TRPM3: variants seen among roughly 807,000 people sequenced by gnomAD.
The protein encoded by TRPM3 is long transient receptor potential channel 3.
A neutral mutation model predicts 181.2 loss-of-function variants in TRPM3; 77 were observed. The ratio of observed to expected loss-of-function variants is 0.42; its 90% CI spans 0.35 to 0.51. TRPM3 has a LOEUF of 0.51. Ranked by LOEUF, TRPM3 falls within the 20% of genes least tolerant of loss-of-function variation. The pLI, the probability that TRPM3 is intolerant of heterozygous loss-of-function variation, is 0.01. For missense variants in TRPM3, 1,759 were observed against 2,196.7 expected (o/e 0.80, Z 3.98); for synonymous variants, 745 against 796.4 (o/e 0.94, Z 1.09).
chr9:70,898,277 T>C (rs1053112271), intron 1 of TRPM3, among the ~76,000 whole-genome samples: 23 of 151,074 alleles, frequency 1.5e-4, no homozygotes, highest in African/African-American at 4.6e-4. Flanking sequence ...CGCCCGCCAC[T>C]ACGCCCGGCT....
chr9:70,561,160 T>A, intron 22 of TRPM3, among the ~76,000 whole-genome samples: 1 of 152,210 alleles, frequency 6.6e-6, no homozygotes, highest in East Asian at 1.9e-4. Context: ...TCCTATTTTT[T>A]TTATAGAAAG....
At chr9:70,801,891 A>G (rs1333121875) in intron 6 of TRPM3, among the ~76,000 whole-genome samples, 1 of 152,210 alleles carries the variant, frequency 6.6e-6, no homozygotes, top group Non-Finnish European at 1.5e-5. Flanking sequence ...CGTTCACTGA[A>G]AACTATCCCA....
chr9:70,887,782 C>T (rs2096116835), intron 1 of TRPM3, among the ~76,000 whole-genome samples: 1 of 152,074 alleles, frequency 6.6e-6, no homozygotes, highest in Non-Finnish European at 1.5e-5. Flanking sequence ...GCCCCTTTAC[C>T]TCTATGTACA....
At chr9:71,237,044 C>CA (rs33929941) in intron 1 of TRPM3, among the ~76,000 whole-genome samples, 24,837 of 92,506 alleles carry the variant, frequency 0.27, 3,937 homozygotes, top group African/African-American at 0.42. Flanking sequence ...AAGACTCCAT[C>CA]AAAAAAAAAA....
chr9:70,994,979 C>G (rs1170904481), intron 1 of TRPM3, among the ~76,000 whole-genome samples: 1 of 152,174 alleles, frequency 6.6e-6, no homozygotes, highest in African/African-American at 2.4e-5. Context: ...ACAGATGATT[C>G]ATTGGATCCA....
intron 17 of TRPM3, among the ~76,000 whole-genome samples, chr9:70,617,500 A>T (rs954712198): frequency 6.6e-6 from 1 of 152,208 alleles, no homozygotes; most frequent in African/African-American, 2.4e-5. Flanking sequence ...TACCATACAG[A>T]TGTAATGTAC....
intron 1 of TRPM3, among the ~76,000 whole-genome samples, chr9:70,907,864 G>A (rs78693582): frequency 0.017 from 2,651 of 152,206 alleles, 44 homozygotes; most frequent in South Asian, 0.026. Context: ...CTGCATCTAC[G>A]CTGCTGCAAA....
At chr9:70,554,301 G>A (rs1362633331) in intron 22 of TRPM3, among the ~76,000 whole-genome samples, 1 of 152,168 alleles carries the variant, frequency 6.6e-6, no homozygotes, top group Non-Finnish European at 1.5e-5. Flanking sequence ...CCCCTATAAT[G>A]GCTTTAGAAC....
At chr9:71,436,174 T>C (rs1363018084) in intron 1 of TRPM3, among the ~76,000 whole-genome samples, 1 of 152,194 alleles carries the variant, frequency 6.6e-6, no homozygotes, top group Non-Finnish European at 1.5e-5. Context: ...TTTCTCTTGC[T>C]GTCACCATGT....
At chr9:71,126,218 G>A (rs2074022371), upstream of TRPM3, among the ~76,000 whole-genome samples, 2 of 152,094 alleles carry the variant, frequency 1.3e-5, no homozygotes, top group South Asian at 4.1e-4. Flanking sequence ...TTATCAAAAA[G>A]TCAAGAAACA....
At chr9:70,610,112 G>C (rs186198746) in intron 19 of TRPM3, among the ~76,000 whole-genome samples, 79 of 152,146 alleles carry the variant, frequency 5.2e-4, no homozygotes, top group African/African-American at 1.8e-3. Flanking sequence ...GAACAAGAAG[G>C]GTTGTTTGAT....
chr9:71,167,419 A>C (rs1438285627), intron 1 of TRPM3, among the ~76,000 whole-genome samples: 2 of 148,232 alleles, frequency 1.3e-5, no homozygotes, highest in African/African-American at 4.9e-5. Context: ...GCGTGAACTT[A>C]CCAGAATAAT....
rs183017588 is a variant in TRPM3 at position 70,668,245 on chromosome 9, G to T, written c.1345+13261C>A. 5.9e-4 allele frequency among the ~76,000 whole-genome samples: 90 copies of T among 152,270 alleles called. 2 individuals are homozygous for T. Among genetic ancestry groups the T allele is most frequent in the Non-Finnish European group, 2.8e-4 (19 of 68,024 alleles). Reference sequence around the variant, plus strand: ...TATAGATTCCATGAACTTCTAGCATGTGACCTTGGCCAAGATACTTAGCCT... The same window carrying T: ...TATAGATTCCATGAACTTCTAGCATTTGACCTTGGCCAAGATACTTAGCCT... On this transcript the variant is annotated intron_variant, in intron 9 of 25. Coordinates refer to ENST00000677713, the MANE Select transcript of TRPM3 (RefSeq NM_001366145.2).
chr9:71,042,359 C>T (rs1018602458), intron 1 of TRPM3, among the ~76,000 whole-genome samples: 2 of 152,180 alleles, frequency 1.3e-5, no homozygotes, highest in African/African-American at 4.8e-5. Context: ...TATATCATGC[C>T]ATTCAACAAC....
intron 9 of TRPM3, among the ~76,000 whole-genome samples, chr9:70,665,091 GA>G (rs2061666021): frequency 6.6e-6 from 1 of 152,146 alleles, no homozygotes; most frequent in East Asian, 1.9e-4. Flanking sequence ...CAGCGCCTCA[GA>G]AACTAAAGGC....
intron 1 of TRPM3, among the ~76,000 whole-genome samples, chr9:70,999,307 A>T (rs2097575152): frequency 6.6e-6 from 1 of 152,202 alleles, no homozygotes. Flanking sequence ...TGGTTTCTGG[A>T]CATCCACAAT....
intron 1 of TRPM3, among the ~76,000 whole-genome samples, chr9:70,880,061 C>T (rs983266880): frequency 2.6e-5 from 4 of 152,142 alleles, no homozygotes; most frequent in Admixed American, 2.0e-4. Flanking sequence ...CTTCTGTTGG[C>T]ATTATAGCCT....
At chr9:71,230,410 A>C (rs978200044) in intron 1 of TRPM3, among the ~76,000 whole-genome samples, 2 of 152,086 alleles carry the variant, frequency 1.3e-5, no homozygotes, top group African/African-American at 4.8e-5. Context: ...TGATAGCACA[A>C]CAGGGTAACT....
chr9:70,563,589 G>T (rs2049725367), intron 22 of TRPM3, among the ~76,000 whole-genome samples: 1 of 152,114 alleles, frequency 6.6e-6, no homozygotes, highest in African/African-American at 2.4e-5. Flanking sequence ...GACTCTTTGT[G>T]TTTAGAAATA....
Sources: gnomAD v4.1 joint callset for allele counts (sites outside exome capture counted in the v4.1 genomes callset) on GRCh38, gnomAD v4.1.1 for gene constraint, MANE v1.5 for transcripts, NCBI Gene and HGNC (gene_info 2026-07-23, HGNC 2026-07-21) for gene names.